The following ZNF704 variants were observed in gnomAD, a reference collection of about 807,000 sequenced individuals.
ZNF704 encodes the protein glucocorticoid induced gene 1.
Under a neutral mutation model 44.7 loss-of-function variants are expected in ZNF704, and 10 were observed. The observed-to-expected ratio is 0.22, with a 90% CI of 0.14 to 0.38. ZNF704 has a LOEUF of 0.38. Among genes scored for constraint, ZNF704 ranks in the 10% least tolerant of loss-of-function variants. The probability of loss-of-function intolerance (pLI) is 1.00; values close to 1 mark genes in which losing one functional copy is unlikely to be tolerated. For synonymous variants in ZNF704, 211 were observed against 207.6 expected (o/e 1.02, Z -0.14); for missense variants, 390 against 545.5 (o/e 0.71, Z 2.84).
intron 7 of ZNF704, chr8:80,644,909 A>T: frequency 1.1e-6 from 1 of 926,224 alleles, no homozygotes; most frequent in South Asian, 1.3e-5. Flanking sequence ...GTAAAGCTTG[A>T]GGCTGAAAAG....
chr8:80,733,747 G>A (rs1806620220), intron 2 of ZNF704, among the ~76,000 whole-genome samples: 1 of 152,132 alleles, frequency 6.6e-6, no homozygotes, highest in African/African-American at 2.4e-5. Context: ...GGCCCTACAT[G>A]GCAGATTCAC....
chr8:80,670,412 T>C, intron 5 of ZNF704, 91 bp downstream of exon 5: 1 of 918,654 alleles, frequency 1.1e-6, no homozygotes, highest in Non-Finnish European at 1.8e-6. Context: ...TCCAGAACCT[T>C]TAAGGCACAG....
chr8:80,814,715 A>T (rs559562412), intron 2 of ZNF704, among the ~76,000 whole-genome samples: 1 of 152,300 alleles, frequency 6.6e-6, no homozygotes, highest in East Asian at 1.9e-4. Context: ...TCTATTTTTT[A>T]AAAAGAAATA....
chr8:80,793,110 C>A (rs1807739801), intron 2 of ZNF704, among the ~76,000 whole-genome samples: 1 of 152,102 alleles, frequency 6.6e-6, no homozygotes, highest in Non-Finnish European at 1.5e-5. Flanking sequence ...TATGTAGGGA[C>A]AAGGGAGGAG....
At chr8:80,757,692 C>T (rs1203896031) in intron 2 of ZNF704, among the ~76,000 whole-genome samples, 3 of 152,188 alleles carry the variant, frequency 2.0e-5, no homozygotes, top group Admixed American at 6.5e-5. Context: ...ATGCCCTACA[C>T]AGGTATACCA....
rs569561708 is a variant in ZNF704 at position 80,658,830 on chromosome 8, C to T, written c.1032+755G>A. 3 of 152,288 alleles carry T rather than the reference C, an allele frequency of 2.0e-5. No individual in the cohort carries two copies. The South Asian group carries it at 6.2e-4, about 32-fold the overall frequency. The allele number at this position is 152,288 out of a possible 1,614,324, so 9.4% of individuals were successfully genotyped here. On this transcript the variant is annotated intron_variant, in intron 7 of 8. Transcript: ENST00000327835. Reference sequence around the variant, plus strand: ...TGACAATAAGAAGCTTTTGTGAGGTCCTTGGGGAGACGGGTGGAGAAGAGA... The same window carrying T: ...TGACAATAAGAAGCTTTTGTGAGGTTCTTGGGGAGACGGGTGGAGAAGAGA...
chr8:80,766,888 T>G (rs1563546245), intron 2 of ZNF704, among the ~76,000 whole-genome samples: 1 of 152,066 alleles, frequency 6.6e-6, no homozygotes, highest in Non-Finnish European at 1.5e-5. Flanking sequence ...AATTTTTGTA[T>G]TTTTAGTAGA....
chr8:80,865,708 CGTT>C (rs764414314), intron 1 of ZNF704, among the ~76,000 whole-genome samples: 27 of 152,156 alleles, frequency 1.8e-4, no homozygotes, highest in Non-Finnish European at 3.5e-4. Flanking sequence ...GTAAAGCAAA[CGTT>C]GTCACTGGTG....
intron 2 of ZNF704, among the ~76,000 whole-genome samples, chr8:80,731,737 G>C (rs887617426): frequency 6.6e-6 from 1 of 152,078 alleles, no homozygotes; most frequent in African/African-American, 2.4e-5. Flanking sequence ...ACTCCAGCCT[G>C]AGTGACAGAG....
chr8:80,642,384 A>G (rs1817757191), intron 8 of ZNF704, among the ~76,000 whole-genome samples: 1 of 152,214 alleles, frequency 6.6e-6, no homozygotes, highest in African/African-American at 2.4e-5. Flanking sequence ...TCCATTATTA[A>G]GTAAAAGAAG....
intron 2 of ZNF704, among the ~76,000 whole-genome samples, chr8:80,820,295 T>C (rs1808247220): frequency 6.6e-6 from 1 of 152,232 alleles, no homozygotes; most frequent in African/African-American, 2.4e-5. Flanking sequence ...AAAGGTCTAA[T>C]ATGTATGTGC....
At position 80,821,494 on chromosome 8, in the gene ZNF704, G is replaced by A. The variant is rs559447718; in HGVS notation, c.101C>T (p.Thr34Ile). The change falls in exon 2 of 9, where the codon ACA (threonine) becomes ATA (isoleucine). Residue 34 changes from threonine (T) to isoleucine (I), a missense_variant. Thr to Ile is a moderately conservative substitution (Grantham distance 89). This residue lies in a region of ZNF704 where 80 missense variants were observed against 83.7 expected (regional missense o/e 0.96). Transcript: ENST00000327835. ...CCGGCTGGCTTTTTTGGTGTCTGCT[G>A]TTTTCACATCTTCCTCCATGGCCAA... is the stretch of plus-strand genomic sequence containing the variant. ...FSLAMEEDVK[T>I]ADTKKASRIL... The A allele has an allele frequency of 6.2e-7, 1 of 1,614,102 alleles. No homozygotes were observed. The highest frequency in any genetic ancestry group is 8.5e-7 in the Non-Finnish European group (1 of 1,180,006).
chr8:80,670,972 C>T (rs1321906965), intron 4 of ZNF704, among the ~76,000 whole-genome samples: 2 of 152,156 alleles, frequency 1.3e-5, no homozygotes, highest in Non-Finnish European at 1.5e-5. Context: ...TAATATTAAT[C>T]TCCATTTTAC....
chr8:80,732,724 G>A (rs1585988115), intron 2 of ZNF704, among the ~76,000 whole-genome samples: 2 of 152,196 alleles, frequency 1.3e-5, no homozygotes, highest in Non-Finnish European at 2.9e-5. Context: ...GGGAGGCTGA[G>A]GTGGGTAGAC....
At chr8:80,668,703 G>A (rs1181183837) in intron 5 of ZNF704, among the ~76,000 whole-genome samples, 1 of 152,218 alleles carries the variant, frequency 6.6e-6, no homozygotes, top group African/African-American at 2.4e-5. Flanking sequence ...CAGGCATGGT[G>A]TGTACTGCAG....
chr8:80,636,316 G>A lies in ZNF704; in HGVS notation c.*5050C>T, dbSNP rs1181505656. On this transcript the variant is annotated 3_prime_UTR_variant, in exon 9 of 9. Coordinates refer to ENST00000327835, the MANE Select transcript of ZNF704 (RefSeq NM_001033723.3). ...AGGAACTATTTACAAAACAGGACCA[G>A]AAGTAAAATTCCCATTTTGGTTCCT... is the stretch of plus-strand genomic sequence containing the variant. 1 of 152,194 alleles carries A rather than the reference G, an allele frequency of 6.6e-6. No homozygotes were observed. The highest frequency in any genetic ancestry group is 2.4e-5 in the African/African-American group (1 of 41,460). The allele number at this position is 152,194 out of a possible 1,614,324, so 9.4% of individuals were successfully genotyped here.
chr8:80,731,622 G>A lies in ZNF704; in HGVS notation c.222-38515C>T, dbSNP rs114470863. On this transcript the variant is annotated intron_variant, in intron 2 of 8. Transcript: ENST00000327835. ...ATAGCTAGATAACATCAAGTCAGCC[G>A]GGTGTGGTGACATGTGCCTATAGTC... 4.2e-3 allele frequency among the ~76,000 whole-genome samples: 645 copies of A among 152,150 alleles called. 4 individuals are homozygous for A. The highest frequency in any genetic ancestry group is 0.013 in the African/African-American group (539 of 41,518).
Position 80,632,358 on chromosome 8 carries a change from CTCTT to C in ZNF704, c.*9004_*9007del, listed in dbSNP as rs1208205031. ...TATTTTTAGTAAAGACAGGGTTTCC[CTCTT>C]TCTTCTTTTGTTTTCACTCTTTCTT... On this transcript the variant is annotated 3_prime_UTR_variant, in exon 9 of 9. Coordinates refer to ENST00000327835, the MANE Select transcript of ZNF704 (RefSeq NM_001033723.3). 6.6e-6 allele frequency: 1 copy of C among 152,102 alleles called. No individual in the cohort carries two copies. The highest frequency in any genetic ancestry group is 1.5e-5 in the Non-Finnish European group (1 of 68,036). 9.4% of individuals were successfully genotyped at this position (152,102 alleles called of 1,614,324 possible). A position where few individuals can be genotyped will look rare whatever the true frequency, so the allele number is the denominator to read the frequency against.
intron 1 of ZNF704, among the ~76,000 whole-genome samples, chr8:80,858,659 T>C (rs1395932332): frequency 6.6e-6 from 1 of 151,662 alleles, no homozygotes; most frequent in Non-Finnish European, 1.5e-5. Flanking sequence ...CACTCTAGCC[T>C]GGGCAACACA....
Sources: allele counts gnomAD v4.1 joint callset (sites outside exome capture counted in the v4.1 genomes callset), GRCh38; gene constraint gnomAD v4.1.1; regional missense constraint gnomAD v4.1.1; transcripts MANE v1.5; gene names NCBI Gene and HGNC (gene_info 2026-07-23, HGNC 2026-07-21).